WARS2: variants seen among roughly 807,000 people sequenced by gnomAD.
The protein encoded by WARS2 is tryptophanyl tRNA synthetase 2, mitochondrial, also known as tryptophan--tRNA ligase, mitochondrial.
Under a neutral mutation model 36.5 loss-of-function variants are expected in WARS2, and 28 were observed. That is an observed-to-expected ratio of 0.77 (90% CI 0.57 to 1.05). WARS2 has a LOEUF of 1.05. Ranked by LOEUF, WARS2 falls within the 50% of genes least tolerant of loss-of-function variation. WARS2 has a pLI of 0.00. For missense variants in WARS2, 435 were observed against 456.8 expected (o/e 0.95, Z 0.44); for synonymous variants, 174 against 178.4 (o/e 0.98, Z 0.20).
At chr1:119,071,494 A>G (rs1394611676) in intron 2 of WARS2, among the ~76,000 whole-genome samples, 1 of 152,246 alleles carries the variant, frequency 6.6e-6, no homozygotes, top group Admixed American at 6.5e-5. Flanking sequence ...TATACACACA[A>G]TGGAATACTA....
chr1:119,138,361 A>G (rs1475667947), intron 1 of WARS2, among the ~76,000 whole-genome samples: 3 of 152,182 alleles, frequency 2.0e-5, no homozygotes, highest in African/African-American at 7.2e-5. Context: ...TGGGACAAGT[A>G]TCTTCCTCAG....
chr1:119,035,808 G>C (rs762786268), intron 4 of WARS2, among the ~76,000 whole-genome samples: 1 of 152,162 alleles, frequency 6.6e-6, no homozygotes, highest in African/African-American at 2.4e-5. Context: ...AATTCTGAGA[G>C]CTCTTTTAAT....
At chr1:119,062,059 C>T (rs1650427373) in intron 2 of WARS2, among the ~76,000 whole-genome samples, 1 of 152,156 alleles carries the variant, frequency 6.6e-6, no homozygotes, top group African/African-American at 2.4e-5. Flanking sequence ...GATATTGGCT[C>T]TTGTGGAAAA....
At chr1:119,050,777 G>A (rs542201867) in intron 2 of WARS2, among the ~76,000 whole-genome samples, 41 of 151,856 alleles carry the variant, frequency 2.7e-4, no homozygotes, top group South Asian at 1.0e-3. Context: ...ACTGTTCATC[G>A]AATTACACAT....
At chr1:119,078,887 T>C (rs34973230) in intron 1 of WARS2, among the ~76,000 whole-genome samples, 19,198 of 151,858 alleles carry the variant, frequency 0.13, 1,352 homozygotes, top group South Asian at 0.16. Flanking sequence ...CCTGCAGTTA[T>C]GAAGGTGCAC....
Position 119,078,328 on chromosome 1 carries a change from A to G in WARS2, c.91-1721T>C, listed in dbSNP as rs1398338037. ...TATTATACAGGTATCTTAATGTATT[A>G]TGAGCCAAGTTTCTCTAGTGTATAT... is the stretch of plus-strand genomic sequence containing the variant. On this transcript the variant is annotated intron_variant, in intron 1 of 5. Coordinates refer to ENST00000235521, the MANE Select transcript of WARS2 (RefSeq NM_015836.4). Among the ~76,000 whole-genome samples, 3 of 152,260 alleles carry G rather than the reference A, an allele frequency of 2.0e-5. No individual in the cohort carries two copies. The East Asian group carries it at 5.8e-4, about 29-fold the overall frequency.
rs190917221 is a variant in WARS2 at position 119,049,651 on chromosome 1, C to A, written c.349-3989G>T. Among the ~76,000 whole-genome samples the A allele has an allele frequency of 1.6e-4, 24 of 152,356 alleles. No homozygotes were observed. In the East Asian group the frequency reaches 3.7e-3, roughly 23 times the overall value. ...TAACTCCTGATCCTCCGTTCCAAAT[C>A]TGCTCTATCCACAGCTGTCCCATCT... On this transcript the variant is annotated intron_variant, in intron 2 of 5. Transcript: ENST00000235521.
intron 1 of WARS2, among the ~76,000 whole-genome samples, chr1:119,106,626 T>G (rs895121967): frequency 2.0e-5 from 3 of 152,204 alleles, no homozygotes; most frequent in Admixed American, 6.5e-5. Flanking sequence ...TTCCTCCATA[T>G]CTTTTCATAG....
At chr1:119,073,354 T>C (rs915478339) in intron 2 of WARS2, among the ~76,000 whole-genome samples, 3 of 152,104 alleles carry the variant, frequency 2.0e-5, no homozygotes, top group African/African-American at 7.2e-5. Context: ...CATAGAGTTG[T>C]AGTAAGGTTG....
At chr1:119,127,122 A>G (rs1032590551) in intron 1 of WARS2, 4 of 732,514 alleles carry the variant, frequency 5.5e-6, no homozygotes, top group Non-Finnish European at 1.0e-5. Flanking sequence ...ATCAGATGCA[A>G]TTTTGATTCC....
intron 3 of WARS2, among the ~76,000 whole-genome samples, chr1:119,044,377 A>C (rs1026904236): frequency 2.0e-5 from 3 of 152,246 alleles, no homozygotes; most frequent in African/African-American, 7.2e-5. Context: ...AAAGGATTTC[A>C]ACATTACACT....
chr1:119,053,306 G>A (rs967012947), intron 2 of WARS2, among the ~76,000 whole-genome samples: 2 of 152,202 alleles, frequency 1.3e-5, no homozygotes, highest in Non-Finnish European at 2.9e-5. Context: ...AGCAATGGCA[G>A]TGGCGATAGA....
At chr1:119,076,202 A>C in intron 2 of WARS2, 148 bp downstream of exon 2, 1 of 960,038 alleles carries the variant, frequency 1.0e-6, no homozygotes, top group Non-Finnish European at 1.5e-6. Flanking sequence ...TACAAGTAAA[A>C]CATTAAGCTG....
At chr1:119,101,919 A>G (rs1347419404) in intron 1 of WARS2, among the ~76,000 whole-genome samples, 1 of 152,132 alleles carries the variant, frequency 6.6e-6, no homozygotes. Flanking sequence ...ATCCTAAGAA[A>G]GCCAACACAC....
At chr1:119,062,561 G>C (rs1650472832) in intron 2 of WARS2, among the ~76,000 whole-genome samples, 1 of 151,994 alleles carries the variant, frequency 6.6e-6, no homozygotes, top group African/African-American at 2.4e-5. Flanking sequence ...TGGTTTGGCT[G>C]TGTCCCCACA....
At chr1:119,046,565 C>A (rs1247623979) in intron 2 of WARS2, among the ~76,000 whole-genome samples, 3 of 150,692 alleles carry the variant, frequency 2.0e-5, no homozygotes, top group African/African-American at 4.9e-5. Context: ...ACCATCTTGA[C>A]CAGACTTGTC....
At chr1:119,055,360 C>G (rs1346109268) in intron 2 of WARS2, among the ~76,000 whole-genome samples, 1 of 152,116 alleles carries the variant, frequency 6.6e-6, no homozygotes, top group Non-Finnish European at 1.5e-5. Flanking sequence ...TGCCTGTAAT[C>G]CCAGCACTTT....
At position 119,032,803 on chromosome 1, in the gene WARS2, C is replaced by G. The variant is rs1479522674; in HGVS notation, c.*108G>C. 1 of 1,078,038 alleles carries G rather than the reference C, an allele frequency of 9.3e-7. No homozygotes were observed. Among genetic ancestry groups the G allele is most frequent in the Middle Eastern group, 2.1e-4 (1 of 4,696 alleles). The allele number at this position is 1,078,038 out of a possible 1,614,324, so 66.8% of individuals were successfully genotyped here. On this transcript the variant is annotated 3_prime_UTR_variant, in exon 6 of 6. Transcript: ENST00000235521. ...AAATAAAGCCAATAATCAGCTATAC[C>G]AAATTAAATGTCCCAAAACTATAAC...
chr1:119,042,664 C>G (rs185323615), intron 3 of WARS2, among the ~76,000 whole-genome samples: 1 of 151,802 alleles, frequency 6.6e-6, no homozygotes, highest in African/African-American at 2.4e-5. Context: ...CGGATAAATT[C>G]CAGATTTCAC....
Sources: gnomAD v4.1 joint callset for allele counts (sites outside exome capture counted in the v4.1 genomes callset) on GRCh38, gnomAD v4.1.1 for gene constraint, MANE v1.5 for transcripts, NCBI Gene and HGNC (gene_info 2026-07-23, HGNC 2026-07-21) for gene names.